TTLL10: variants seen among roughly 807,000 people sequenced by gnomAD.
The protein encoded by TTLL10 is inactive polyglycylase TTLL10.
Under a neutral mutation model 69.0 loss-of-function variants are expected in TTLL10, and 61 were observed. The ratio of observed to expected loss-of-function variants is 0.88; its 90% CI spans 0.72 to 1.09. The LOEUF (loss-of-function observed/expected upper bound fraction) is 1.09. TTLL10 is among the 50% of genes least tolerant of loss of function. TTLL10 has a pLI of 0.00. For missense variants in TTLL10, 962 were observed against 945.9 expected, an observed-to-expected ratio of 1.02 and a Z score of -0.22; for synonymous variants, 408 against 393.3, an observed-to-expected ratio of 1.04 and a Z score of -0.44.
chr1:1,191,158 A>T (rs1264633897), intron 13 of TTLL10, among the ~76,000 whole-genome samples: 2 of 152,152 alleles, frequency 1.3e-5, no homozygotes, highest in Admixed American at 1.3e-4. Flanking sequence ...CTTTTCTTTG[A>T]CCCATTGGTT....
At chr1:1,175,220 C>A in intron 3 of TTLL10, 1 of 185,872 alleles carries the variant, frequency 5.4e-6, no homozygotes, top group Non-Finnish European at 1.1e-5. Context: ...GTTAGAAAAG[C>A]CCAAAGGAGG....
At position 1,185,238 on chromosome 1, in the gene TTLL10, G is replaced by C. The variant is rs914288174; in HGVS notation, c.1401+129G>C. On this transcript the variant is annotated intron_variant, in intron 13 of 15. Transcript: ENST00000379289. The surrounding 1 kb of genome is among the most constrained non-coding windows in gnomAD (Gnocchi z 6.1). ...GGCTGCGCTGAAGTGTGACCTGACC[G>C]TGTGGAACCAAACCCTTCCAGCGTC... is the stretch of plus-strand genomic sequence containing the variant. 9 of 1,478,694 alleles carry C rather than the reference G, an allele frequency of 6.1e-6. No homozygotes were observed. The Admixed American group carries it at 2.0e-4, about 33-fold the overall frequency. The allele number at this position is 1,478,694 out of a possible 1,614,324, so 91.6% of individuals were successfully genotyped here. A position where few individuals can be genotyped will look rare whatever the true frequency, so the allele number is the denominator to read the frequency against.
At position 1,181,144 on chromosome 1, in the gene TTLL10, C is replaced by T. The variant is rs1207952958; in HGVS notation, c.755+284C>T. On this transcript the variant is annotated intron_variant, in intron 8 of 15. Transcript: ENST00000379289. The surrounding 1 kb of genome is among the most constrained non-coding windows in gnomAD (Gnocchi z 4.6). ...CAAACCCCTGTCCCATAAACCCACCCTCTTCCTCGTGGCTGAACGGGGAAG... is the reference window on the plus strand; with the variant it reads ...CAAACCCCTGTCCCATAAACCCACCTTCTTCCTCGTGGCTGAACGGGGAAG... 6.6e-6 allele frequency among the ~76,000 whole-genome samples: 1 copy of T among 151,544 alleles called. No homozygotes were observed. The highest frequency in any genetic ancestry group is 1.5e-5 in the Non-Finnish European group (1 of 67,894).
intron 13 of TTLL10, among the ~76,000 whole-genome samples, chr1:1,190,453 AGT>A (rs1416390031): frequency 6.9e-6 from 1 of 144,156 alleles, no homozygotes; most frequent in Non-Finnish European, 1.5e-5. Context: ...TTTGAGATGG[AGT>A]CTTGCTCTGT....
chr1:1,185,135 G>A lies in TTLL10; in HGVS notation c.1401+26G>A. On this transcript the variant is annotated intron_variant, in intron 13 of 15. Transcript: ENST00000379289. The surrounding 1 kb of genome is among the most constrained non-coding windows in gnomAD (Gnocchi z 6.1). ...GTGCGTCCACTGTGCCCTCCAGTCTGGGAGTGAGATCCCTCGGGGCGGGGG... is the reference window on the plus strand; with the variant it reads ...GTGCGTCCACTGTGCCCTCCAGTCTAGGAGTGAGATCCCTCGGGGCGGGGG... 6.2e-7 allele frequency: 1 copy of A among 1,605,370 alleles called. No homozygotes were observed. The highest frequency in any genetic ancestry group is 1.1e-5 in the South Asian group (1 of 90,832).
Position 1,185,224 on chromosome 1 carries a change from A to C in TTLL10, c.1401+115A>C, listed in dbSNP as rs533021249. The stretch of plus-strand genomic sequence containing the variant: ...TGGCGTGCGTGGGCGGCTGCGCTGA[A>C]GTGTGACCTGACCGTGTGGAACCAA... On this transcript the variant is annotated intron_variant, in intron 13 of 15. Coordinates refer to ENST00000379289, the MANE Select transcript of TTLL10 (RefSeq NM_001130045.2). This position sits in a 1 kb window ranked among gnomAD's most constrained non-coding sequence, Gnocchi z 6.1. 2.0e-6 allele frequency: 3 copies of C among 1,512,414 alleles called. No individual in the cohort carries two copies. Among genetic ancestry groups the C allele is most frequent in the African/African-American group, 2.8e-5 (2 of 71,528 alleles). The allele number at this position is 1,512,414 out of a possible 1,614,324, so 93.7% of individuals were successfully genotyped here.
In TTLL10 at chr1:1,182,977, C is replaced by T. The variant is rs141341297; in HGVS notation, c.1018C>T (p.Arg340Trp). Residue 340 changes from arginine to tryptophan, a missense_variant, in exon 11 of 16, where the codon CGG becomes TGG. Coordinates refer to ENST00000379289, the MANE Select transcript of TTLL10 (RefSeq NM_001130045.2). ...EEVAALQAKTRSMEDDPIHHK... is the reference protein window; with the variant it reads ...EEVAALQAKTWSMEDDPIHHK... Reference sequence around the variant, plus strand: ...AGTTGCCGCCCTGCAGGCCAAGACCCGGAGCATGGAGGACGACCCCATCCA... The same window carrying T: ...AGTTGCCGCCCTGCAGGCCAAGACCTGGAGCATGGAGGACGACCCCATCCA... The T allele has an allele frequency of 2.4e-5, 38 of 1,608,408 alleles. No homozygotes were observed. The highest frequency in any genetic ancestry group is 1.3e-4 in the African/African-American group (10 of 74,782).
Position 1,181,557 on chromosome 1 carries a change from G to A in TTLL10, c.756-184G>A, listed in dbSNP as rs1024742727. Among the ~76,000 whole-genome samples the A allele has an allele frequency of 1.3e-5, 2 of 152,008 alleles. No individual in the cohort carries two copies. The highest frequency in any genetic ancestry group is 2.9e-5 in the Non-Finnish European group (2 of 67,996). On this transcript the variant is annotated intron_variant, in intron 8 of 15. Coordinates refer to ENST00000379289, the MANE Select transcript of TTLL10 (RefSeq NM_001130045.2). This position sits in a 1 kb window ranked among gnomAD's most constrained non-coding sequence, Gnocchi z 4.6. ...ACACCAGCTTTACACCATGTCCAGC[G>A]TCCACTTCCAGCCTAGAGCAACACA...
chr1:1,182,772 C>T (rs924058491), intron 10 of TTLL10, 104 bp from the exon 11 acceptor site: 40 of 1,433,366 alleles, frequency 2.8e-5, no homozygotes, highest in East Asian at 1.5e-4. Flanking sequence ...TTGGAATGGC[C>T]GGGCCGAGGG....
intron 8 of TTLL10, 30 bp downstream of exon 8, chr1:1,180,890 C>A: frequency 3.3e-6 from 5 of 1,529,754 alleles, no homozygotes; most frequent in Non-Finnish European, 4.4e-6. Context: ...TGCCCCCGTC[C>A]CTGCGCCCGC....
chr1:1,176,532 T>A (rs965132079), intron 3 of TTLL10: 1 of 395,332 alleles, frequency 2.5e-6, no homozygotes, highest in Non-Finnish European at 5.1e-6. Flanking sequence ...CTCCACACCT[T>A]TTCCCACCTC....
chr1:1,177,606 C>T (rs1646917233), intron 3 of TTLL10, among the ~76,000 whole-genome samples: 2 of 152,244 alleles, frequency 1.3e-5, no homozygotes, highest in African/African-American at 4.8e-5. Flanking sequence ...CCTCCGCGCC[C>T]GGCTGTCCTT....
chr1:1,184,642 C>A (rs1411762657), intron 12 of TTLL10, among the ~76,000 whole-genome samples: 2 of 152,182 alleles, frequency 1.3e-5, no homozygotes, highest in Non-Finnish European at 1.5e-5. Flanking sequence ...GTCTCAGGGA[C>A]CCCCAGAGAA....
chr1:1,182,213 C>T (rs929244428), intron 9 of TTLL10, 148 bp from the exon 10 acceptor site: 25 of 709,250 alleles, frequency 3.5e-5, no homozygotes, highest in Admixed American at 6.5e-5. Context: ...GGGCAGGAAA[C>T]GCAAAGTCCC....
chr1:1,183,971 C>T lies in TTLL10; in HGVS notation c.1140C>T (p.Ser380=), dbSNP rs749380276. 1 of 1,614,216 alleles carries T rather than the reference C, an allele frequency of 6.2e-7. No individual in the cohort carries two copies. Among genetic ancestry groups the T allele is most frequent in the South Asian group, 1.1e-5 (1 of 91,092 alleles). The change falls in exon 12 of 16, where the codon TCC becomes TCT. Residue 380 remains serine (S), a synonymous_variant. Coordinates refer to ENST00000379289, the MANE Select transcript of TTLL10 (RefSeq NM_001130045.2). The part of the protein sequence containing the change: ...LVDGRKFDVR[S]YLLIACTTPY... The stretch of plus-strand genomic sequence containing the variant: ...ACGGGAGAAAGTTTGACGTGCGCTC[C>T]TACCTGCTCATTGCCTGCACCACAC...
rs755747230 is a variant in TTLL10 at position 1,183,882 on chromosome 1, C to T, written c.1089-38C>T. 90 of 1,612,020 alleles carry T rather than the reference C, an allele frequency of 5.6e-5. 1 individual carries two copies. The South Asian group carries it at 6.6e-4, about 12-fold the overall frequency. On this transcript the variant is annotated intron_variant, in intron 11 of 15. Transcript: ENST00000379289. ...GAGGGGATGCAGGCCAGGCTGGCCC[C>T]GTGGCTCAGCCCAGCAGCCCCGACA...
At position 1,195,446 on chromosome 1, in the gene TTLL10, A is replaced by ATTTTTCT. The variant is rs1235078226; in HGVS notation, c.1402-1153_1402-1147dup. Among the ~76,000 whole-genome samples the ATTTTTCT allele has an allele frequency of 2.1e-5, 3 of 143,620 alleles. No individual in the cohort carries two copies. The Admixed American group carries it at 2.2e-4, about 10-fold the overall frequency. The allele number at this position is 143,620 out of a possible 152,430, so 94.2% of individuals were successfully genotyped here. On this transcript the variant is annotated intron_variant, in intron 13 of 15. Coordinates refer to ENST00000379289, the MANE Select transcript of TTLL10 (RefSeq NM_001130045.2). ...AATTTCTATTTGATTCTCTTTTATAATTTTTCTCTCTTCACCAGTATTCTC... is the reference window on the plus strand; with the variant it reads ...AATTTCTATTTGATTCTCTTTTATAATTTTTCTTTTTTCTCTCTTCACCAGTATTCTC...
chr1:1,193,344 AATT>A (rs1339844535), intron 13 of TTLL10, among the ~76,000 whole-genome samples: 1 of 152,032 alleles, frequency 6.6e-6, no homozygotes, highest in Non-Finnish European at 1.5e-5. Flanking sequence ...TAATAATAAT[AATT>A]ACTGATAAGG....
At chr1:1,177,007 T>C (rs191264166) in intron 3 of TTLL10, among the ~76,000 whole-genome samples, 124 of 152,248 alleles carry the variant, frequency 8.1e-4, no homozygotes, top group African/African-American at 2.9e-3. Flanking sequence ...TGTGTGTCTG[T>C]GTGTCTACAT....
Sources: allele counts gnomAD v4.1 joint callset (sites outside exome capture counted in the v4.1 genomes callset), GRCh38; gene constraint gnomAD v4.1.1; non-coding constraint Gnocchi (gnomAD v3.1); transcripts MANE v1.5; gene names NCBI Gene and HGNC (gene_info 2026-07-23, HGNC 2026-07-21).